Variants in DOCK4 observed in about 807,000 individuals in gnomAD.
DOCK4 encodes the protein dedicator of cytokinesis protein 4.
DOCK4 carries 97 observed loss-of-function variants against 268.1 expected under a neutral mutation model. The observed-to-expected ratio is 0.36, with a 90% confidence interval of 0.31 to 0.43. DOCK4 has a LOEUF of 0.43. Among genes scored for constraint, DOCK4 ranks in the 20% least tolerant of loss-of-function variants. The probability of loss-of-function intolerance (pLI) is 1.00; values close to 1 mark genes in which losing one functional copy is unlikely to be tolerated. For missense variants in DOCK4, 2,145 were observed against 2,455.7 expected (o/e 0.87, Z 2.67); for synonymous variants, 954 against 887.2 (o/e 1.08, Z -1.34).
chr7:111,739,401 G>C lies in DOCK4; in HGVS notation c.5117C>G (p.Ala1706Gly). Residue 1706 changes from alanine to glycine, a missense_variant, in exon 48 of 53, where the codon GCC becomes GGC. Coordinates refer to ENST00000428084, the MANE Select transcript of DOCK4 (RefSeq NM_001363540.2). ...PNVTSSAPSS[A>G]RASPLLSDKH... ...CCCCACACTCTGGCACTGACCTCTG[G>C]CACTCGATGGAGCAGAACTTGTCAC... The C allele has an allele frequency of 6.3e-7, 1 of 1,588,900 alleles. No individual in the cohort carries two copies. Among genetic ancestry groups the C allele is most frequent in the Non-Finnish European group, 8.6e-7 (1 of 1,167,552 alleles).
chr7:111,772,569 G>A (rs1798189730), intron 36 of DOCK4, among the ~76,000 whole-genome samples: 1 of 152,186 alleles, frequency 6.6e-6, no homozygotes, highest in Admixed American at 6.5e-5. Flanking sequence ...GCCAAGGCAG[G>A]TGCATTGCCT....
rs143126416 is a variant in DOCK4, at chr7:111,970,510, T to A, written c.701+6622A>T. ...ATGAATGTAATAAAATTACAGATGATTTGCAGAGAAATGATTCCCTCCCTT... is the reference window on the plus strand; with the variant it reads ...ATGAATGTAATAAAATTACAGATGAATTGCAGAGAAATGATTCCCTCCCTT... On this transcript the variant is annotated intron_variant, in intron 8 of 52. Transcript: ENST00000428084. Among the ~76,000 whole-genome samples, 1,070 of 152,282 alleles carry A rather than the reference T, an allele frequency of 7.0e-3. 11 individuals are homozygous for A. The highest frequency in any genetic ancestry group is 0.031 in the Middle Eastern group (9 of 294).
At chr7:111,847,717 G>A (rs1484094181) in intron 23 of DOCK4, among the ~76,000 whole-genome samples, 1 of 152,126 alleles carries the variant, frequency 6.6e-6, no homozygotes, top group East Asian at 1.9e-4. Flanking sequence ...CATGTAAGAT[G>A]TGCCTTTCAC....
intron 13 of DOCK4, among the ~76,000 whole-genome samples, chr7:111,912,126 C>T (rs564717578): frequency 2.0e-5 from 3 of 152,200 alleles, no homozygotes; most frequent in African/African-American, 4.8e-5. Flanking sequence ...GTGCAATGGG[C>T]GATACTGGTC....
chr7:112,152,246 G>A (rs1306219698), intron 1 of DOCK4, among the ~76,000 whole-genome samples: 3 of 152,186 alleles, frequency 2.0e-5, no homozygotes, highest in Non-Finnish European at 2.9e-5. Flanking sequence ...GAGAGTATTA[G>A]CATTCAACTC....
At chr7:111,762,912 G>A (rs1043945030) in intron 39 of DOCK4, among the ~76,000 whole-genome samples, 7 of 151,094 alleles carry the variant, frequency 4.6e-5, no homozygotes, top group African/African-American at 9.7e-5. Flanking sequence ...AACCACAGGC[G>A]CACGCCACCG....
chr7:111,866,001 T>C (rs1208915458), intron 22 of DOCK4, among the ~76,000 whole-genome samples: 2 of 152,216 alleles, frequency 1.3e-5, no homozygotes, highest in African/African-American at 4.8e-5. Flanking sequence ...CATGAAAGCT[T>C]ACACTTTGAT....
At chr7:112,078,956 T>C (rs1480647667) in intron 1 of DOCK4, among the ~76,000 whole-genome samples, 2 of 152,034 alleles carry the variant, frequency 1.3e-5, no homozygotes, top group Non-Finnish European at 2.9e-5. Context: ...CAAAACTCCG[T>C]CTCTACTAAA....
chr7:111,869,977 G>A (rs2134224983), intron 20 of DOCK4, among the ~76,000 whole-genome samples: 1 of 152,258 alleles, frequency 6.6e-6, no homozygotes, highest in African/African-American at 2.4e-5. Context: ...TGAGTGCCAT[G>A]GTCAATACTG....
intron 24 of DOCK4, among the ~76,000 whole-genome samples, chr7:111,846,418 C>A (rs1804110086): frequency 6.6e-6 from 1 of 151,920 alleles, no homozygotes; most frequent in Admixed American, 6.5e-5. Context: ...TGATTCTTCT[C>A]ATTTTGCAGT....
chr7:111,798,310 A>C (rs955705005), intron 30 of DOCK4, among the ~76,000 whole-genome samples: 1 of 152,252 alleles, frequency 6.6e-6, no homozygotes, highest in African/African-American at 2.4e-5. Context: ...CCAGCAGCTC[A>C]AACTGCCATT....
At chr7:111,798,866 A>G (rs79423776) in intron 30 of DOCK4, among the ~76,000 whole-genome samples, 6,481 of 152,338 alleles carry the variant, frequency 0.043, 175 homozygotes, top group Middle Eastern at 0.068. Context: ...ATTTGAAAGG[A>G]AAGATATTCT....
intron 27 of DOCK4, among the ~76,000 whole-genome samples, chr7:111,816,921 G>A (rs1290752485): frequency 1.3e-5 from 2 of 152,210 alleles, no homozygotes; most frequent in African/African-American, 4.8e-5. Flanking sequence ...AGAAAGGAGT[G>A]ATTTTGCTTT....
At chr7:112,032,375 A>G (rs1178495900) in intron 1 of DOCK4, among the ~76,000 whole-genome samples, 1 of 152,246 alleles carries the variant, frequency 6.6e-6, no homozygotes, top group African/African-American at 2.4e-5. Flanking sequence ...ATGGCTATCA[A>G]CTACAAATTA....
At chr7:112,094,377 C>G (rs1446777620) in intron 1 of DOCK4, among the ~76,000 whole-genome samples, 1 of 152,144 alleles carries the variant, frequency 6.6e-6, no homozygotes, top group Non-Finnish European at 1.5e-5. Flanking sequence ...ATAGTTATAT[C>G]AAATCGACAT....
rs545925743 is a variant in DOCK4, at chr7:111,853,380, CAGA to C, written c.2474-6257_2474-6255del. Among the ~76,000 whole-genome samples, 56 of 152,234 alleles carry C rather than the reference CAGA, an allele frequency of 3.7e-4. 1 individual carries two copies. The East Asian group carries it at 0.01, about 28-fold the overall frequency. Reference sequence around the variant, plus strand: ...ACGGGGAGATTGTAAACAAGGGAGGCAGAAGGACATGTGGCAGCACAGCTTTGC... The same window carrying C: ...ACGGGGAGATTGTAAACAAGGGAGGCAGGACATGTGGCAGCACAGCTTTGC... On this transcript the variant is annotated intron_variant, in intron 23 of 52. Coordinates refer to ENST00000428084, the MANE Select transcript of DOCK4 (RefSeq NM_001363540.2).
intron 1 of DOCK4, among the ~76,000 whole-genome samples, chr7:112,145,891 A>G (rs1340964429): frequency 6.6e-6 from 1 of 152,204 alleles, no homozygotes; most frequent in African/African-American, 2.4e-5. Context: ...ATATATTTAT[A>G]ACAATCTATT....
intron 32 of DOCK4, among the ~76,000 whole-genome samples, chr7:111,786,927 G>A (rs191716839): frequency 6.6e-6 from 1 of 152,210 alleles, no homozygotes; most frequent in African/African-American, 2.4e-5. Flanking sequence ...GTAAAAGCAT[G>A]AAAGGAAATT....
intron 16 of DOCK4, among the ~76,000 whole-genome samples, chr7:111,881,821 A>G (rs1807416583): frequency 6.6e-6 from 1 of 152,236 alleles, no homozygotes; most frequent in African/African-American, 2.4e-5. Context: ...GAAATAAGCC[A>G]GGCACCAAAA....
Sources: gnomAD v4.1 joint callset for allele counts (sites outside exome capture counted in the v4.1 genomes callset) on GRCh38, gnomAD v4.1.1 for gene constraint, MANE v1.5 for transcripts, NCBI Gene and HGNC (gene_info 2026-07-23, HGNC 2026-07-21) for gene names.